THRB: variants seen among roughly 807,000 people sequenced by gnomAD.
The protein encoded by THRB is thyroid hormone receptor beta, also known as nuclear receptor subfamily 1 group A member 2.
Under a neutral mutation model 47.8 loss-of-function variants are expected in THRB, and 12 were observed. The ratio of observed to expected loss-of-function variants is 0.25; its 90% CI spans 0.16 to 0.41. The LOEUF is 0.41. THRB is among the 10% of genes least tolerant of loss of function. The pLI is 1.00. For missense variants in THRB, 348 were observed against 589.2 expected (o/e 0.59, Z 4.24); for synonymous variants, 218 against 212.2 (o/e 1.03, Z -0.24).
chr3:24,480,693 A>C (rs902765503), intron 1 of THRB, among the ~76,000 whole-genome samples: 3 of 152,220 alleles, frequency 2.0e-5, no homozygotes, highest in African/African-American at 7.2e-5. Context: ...AAACCACAAA[A>C]GAGCCAAAAT....
intron 4 of THRB, among the ~76,000 whole-genome samples, chr3:24,223,042 G>A (rs573914551): frequency 1.1e-4 from 16 of 152,316 alleles, no homozygotes; most frequent in East Asian, 5.8e-4. Flanking sequence ...AAGCGGAGCC[G>A]AGGGTCGTGT....
chr3:24,240,354 G>T (rs527755156), intron 3 of THRB, among the ~76,000 whole-genome samples: 1 of 152,128 alleles, frequency 6.6e-6, no homozygotes, highest in Non-Finnish European at 1.5e-5. Flanking sequence ...TACTGAGCCC[G>T]CGTCAAATGG....
intron 1 of THRB, among the ~76,000 whole-genome samples, chr3:24,462,578 T>C (rs1436188768): frequency 1.3e-5 from 2 of 152,232 alleles, no homozygotes; most frequent in Admixed American, 6.5e-5. Flanking sequence ...ATCAATTTAC[T>C]TGGAGCTCCA....
chr3:24,176,108 T>TA (rs1174418788), intron 5 of THRB, among the ~76,000 whole-genome samples: 2 of 152,036 alleles, frequency 1.3e-5, no homozygotes, highest in Admixed American at 1.3e-4. Context: ...TCACATTGTA[T>TA]ATTTATTATA....
chr3:24,343,312 A>G (rs2062800522), intron 1 of THRB, among the ~76,000 whole-genome samples: 1 of 152,208 alleles, frequency 6.6e-6, no homozygotes, highest in African/African-American at 2.4e-5. Context: ...AAGCACCAGA[A>G]GCAAGGAAGT....
chr3:24,217,223 C>A (rs1213423352), intron 4 of THRB, among the ~76,000 whole-genome samples: 1 of 151,822 alleles, frequency 6.6e-6, no homozygotes, highest in Non-Finnish European at 1.5e-5. Flanking sequence ...ATAAAAGCAG[C>A]GTCAGAGGAA....
rs570653766 is a variant in THRB, at chr3:24,253,877, G to A, written c.-42-24876C>T. Among the ~76,000 whole-genome samples, 21 of 151,820 alleles carry A rather than the reference G, an allele frequency of 1.4e-4. No homozygotes were observed. In the East Asian group the frequency reaches 3.9e-3, roughly 28 times the overall value. On this transcript the variant is annotated intron_variant, in intron 3 of 10. Coordinates refer to ENST00000646209, the MANE Select transcript of THRB (RefSeq NM_001354712.2). ...CTTGTAAGCCCTGTCATCTTATGAA[G>A]CTATGCATGTTTTCCATGTCTTCAA...
chr3:24,175,028 T>C (rs1271957085), intron 5 of THRB, among the ~76,000 whole-genome samples: 1 of 152,222 alleles, frequency 6.6e-6, no homozygotes, highest in Non-Finnish European at 1.5e-5. Flanking sequence ...GCAGTGATTC[T>C]TCGTGGTTTG....
intron 1 of THRB, among the ~76,000 whole-genome samples, chr3:24,452,957 G>A (rs62228826): frequency 4.6e-5 from 2 of 43,664 alleles, no homozygotes; most frequent in Non-Finnish European, 5.2e-5. Context: ...GATGCTACTT[G>A]AAGCCCGACA....
At chr3:24,135,820 C>CATATATATATATAT (rs34338818) in intron 8 of THRB, among the ~76,000 whole-genome samples, 1,483 of 98,176 alleles carry the variant, frequency 0.015, 17 homozygotes, top group Non-Finnish European at 0.021. Context: ...GGCAGAGAGT[C>CATATATATATATAT]ATATATATAT....
Position 24,119,289 on chromosome 3 carries a change from C to T in THRB, c.*3595G>A, listed in dbSNP as rs572325175. On this transcript the variant is annotated 3_prime_UTR_variant, in exon 11 of 11. Coordinates refer to ENST00000646209, the MANE Select transcript of THRB (RefSeq NM_001354712.2). ...AAAGAGATTCAAATGTCGATCATCA[C>T]TCTCCATTTGAGGAGGAACTGTGGC... is the stretch of plus-strand genomic sequence containing the variant. The T allele has an allele frequency of 8.5e-5, 13 of 152,342 alleles. No individual in the cohort carries two copies. The highest frequency in any genetic ancestry group is 7.2e-4 in the Admixed American group (11 of 15,290). 9.4% of individuals were successfully genotyped at this position (152,342 alleles called of 1,614,324 possible).
chr3:24,429,135 T>A (rs1248075172), intron 1 of THRB, among the ~76,000 whole-genome samples: 1 of 151,610 alleles, frequency 6.6e-6, no homozygotes, highest in Non-Finnish European at 1.5e-5. Context: ...TTTTAATACA[T>A]GGTTTATGAG....
intron 1 of THRB, among the ~76,000 whole-genome samples, chr3:24,363,332 T>G (rs932962794): frequency 3.9e-5 from 6 of 152,160 alleles, no homozygotes; most frequent in African/African-American, 1.4e-4. Context: ...AGAAAGCTCA[T>G]TAACTCTGTT....
intron 3 of THRB, among the ~76,000 whole-genome samples, chr3:24,280,122 T>C (rs1422522209): frequency 1.3e-5 from 2 of 152,082 alleles, no homozygotes; most frequent in South Asian, 2.1e-4. Context: ...GATGGCCAAA[T>C]AGGAACAGCT....
At chr3:24,209,426 C>A (rs929561486) in intron 4 of THRB, among the ~76,000 whole-genome samples, 3 of 152,148 alleles carry the variant, frequency 2.0e-5, no homozygotes, top group Non-Finnish European at 4.4e-5. Flanking sequence ...GGAACCAACC[C>A]AAATGTCCAT....
At chr3:24,182,406 T>C (rs2042024302) in intron 5 of THRB, among the ~76,000 whole-genome samples, 1 of 152,108 alleles carries the variant, frequency 6.6e-6, no homozygotes, top group Admixed American at 6.5e-5. Context: ...ACATTAGCAA[T>C]CCACTTGTAT....
intron 3 of THRB, among the ~76,000 whole-genome samples, chr3:24,295,811 A>G (rs1034324551): frequency 7.9e-5 from 12 of 152,210 alleles, no homozygotes; most frequent in African/African-American, 2.7e-4. Context: ...CAGGTTCCCT[A>G]TCTGTAAAGC....
At chr3:24,376,507 A>G (rs1372042473) in intron 1 of THRB, among the ~76,000 whole-genome samples, 2 of 152,156 alleles carry the variant, frequency 1.3e-5, no homozygotes, top group African/African-American at 2.4e-5. Flanking sequence ...TAAGAAAATC[A>G]TATGTGAGAC....
chr3:24,482,195 A>C (rs1696541195), intron 1 of THRB, among the ~76,000 whole-genome samples: 1 of 152,214 alleles, frequency 6.6e-6, no homozygotes, highest in African/African-American at 2.4e-5. Context: ...TAATTTTACT[A>C]CTTCCGTAAT....
Sources: gnomAD v4.1 joint callset for allele counts (sites outside exome capture counted in the v4.1 genomes callset) on GRCh38, gnomAD v4.1.1 for gene constraint, MANE v1.5 for transcripts, NCBI Gene and HGNC (gene_info 2026-07-23, HGNC 2026-07-21) for gene names.